Variants in JAK2 observed in about 807,000 individuals in gnomAD.
JAK2 encodes tyrosine-protein kinase JAK2.
JAK2 carries 86 observed loss-of-function variants against 139.3 expected under a neutral mutation model. The observed-to-expected ratio is 0.62, with a 90% confidence interval of 0.52 to 0.74. JAK2 has a LOEUF of 0.74. JAK2 is among the 30% of genes least tolerant of loss of function. The pLI is 0.00. For synonymous variants in JAK2, 490 were observed against 437.7 expected, an observed-to-expected ratio of 1.12 and a Z score of -1.49; for missense variants, 1,421 against 1,360.3, an observed-to-expected ratio of 1.04 and a Z score of -0.70.
intron 13 of JAK2, among the ~76,000 whole-genome samples, chr9:5,073,422 T>C (rs1260900912): frequency 6.6e-6 from 1 of 152,192 alleles, no homozygotes; most frequent in Non-Finnish European, 1.5e-5. Flanking sequence ...TCAGGTGTTA[T>C]GGGTCAAGCC....
At chr9:5,087,087 C>T (rs2031904) in intron 19 of JAK2, among the ~76,000 whole-genome samples, 24,671 of 152,120 alleles carry the variant, frequency 0.16, 2,291 homozygotes, top group Middle Eastern at 0.23. Flanking sequence ...TGGTTTCCAA[C>T]ATTGGTTAGG....
At chr9:5,032,957 G>T (rs1461626343) in intron 4 of JAK2, among the ~76,000 whole-genome samples, 2 of 152,170 alleles carry the variant, frequency 1.3e-5, no homozygotes. Context: ...CAAGCTAAAG[G>T]AGGAAGTTTG....
chr9:5,053,858 A>T (rs1366046252), intron 6 of JAK2, among the ~76,000 whole-genome samples: 4 of 152,038 alleles, frequency 2.6e-5, no homozygotes, highest in Non-Finnish European at 5.9e-5. Flanking sequence ...TCGAATGAGT[A>T]ACTAGATAGG....
chr9:5,073,796 C>A lies in JAK2; in HGVS notation c.1864+11C>A, dbSNP rs1324872560. 4.5e-6 allele frequency: 7 copies of A among 1,546,140 alleles called. No individual in the cohort carries two copies. In the South Asian group the frequency reaches 8.0e-5, roughly 18 times the overall value. ...TCTGTGGAGACGAGAGTAAGTAAAA[C>A]TACAGGCTTTCTAATGCCTTTCTCA... On this transcript the variant is annotated intron_variant, in intron 14 of 24. Transcript: ENST00000381652.
chr9:5,063,376 C>G (rs1013569472), intron 8 of JAK2, among the ~76,000 whole-genome samples: 1 of 152,166 alleles, frequency 6.6e-6, no homozygotes, highest in African/African-American at 2.4e-5. Flanking sequence ...GGAGAAGTAC[C>G]TCTTCGATCA....
At chr9:4,986,109 A>AAG (rs1224155099) in intron 2 of JAK2, 87 bp downstream of exon 2, 1 of 152,472 alleles carries the variant, frequency 6.6e-6, no homozygotes, top group East Asian at 1.9e-4. Context: ...GAAGCGTGTG[A>AAG]AGAGAGGCAG....
At chr9:5,108,500 T>G (rs1441298007) in intron 22 of JAK2, 2 of 152,088 alleles carry the variant, frequency 1.3e-5, no homozygotes, top group African/African-American at 4.8e-5. Flanking sequence ...TATCCAATAA[T>G]CTTATATGAC....
intron 22 of JAK2, among the ~76,000 whole-genome samples, chr9:5,113,191 C>CTTTTTTTT (rs531374595): frequency 1.7e-5 from 1 of 57,160 alleles, no homozygotes; most frequent in Non-Finnish European, 2.9e-5. Context: ...CTGGCAGGAG[C>CTTTTTTTT]TTTTTTTTTT....
intron 23 of JAK2, among the ~76,000 whole-genome samples, 170 bp downstream of exon 23, chr9:5,123,291 T>C (rs1252881276): frequency 6.6e-6 from 1 of 151,992 alleles, no homozygotes; most frequent in Non-Finnish European, 1.5e-5. Context: ...TTAAATAATT[T>C]CTCAGCATCT....
intron 5 of JAK2, among the ~76,000 whole-genome samples, chr9:5,048,627 C>G (rs1448746003): frequency 6.6e-6 from 1 of 151,980 alleles, no homozygotes; most frequent in East Asian, 1.9e-4. Context: ...ACGTTTAGGC[C>G]TTTGTTTTGG....
chr9:5,085,159 T>C, intron 19 of JAK2: 1 of 650,164 alleles, frequency 1.5e-6, no homozygotes, highest in Non-Finnish European at 3.0e-6. Context: ...TGGAGCTCTG[T>C]CTACATCTCC....
At chr9:5,036,405 G>T (rs1055531934) in intron 4 of JAK2, among the ~76,000 whole-genome samples, 1 of 152,116 alleles carries the variant, frequency 6.6e-6, no homozygotes, top group Admixed American at 6.5e-5. Flanking sequence ...CCAAAAAAGA[G>T]CCCACATTGC....
Position 5,069,970 on chromosome 9 carries a change from T to C in JAK2, c.1559T>C (p.Val520Ala), listed in dbSNP as rs1818842198. 1 of 1,608,318 alleles carries C rather than the reference T, an allele frequency of 6.2e-7. No individual in the cohort carries two copies. Among genetic ancestry groups the C allele is most frequent in the Non-Finnish European group, 8.5e-7 (1 of 1,175,652 alleles). ...TTCAGAACGAATGGTGTTTCTGATGTACCAACCTCACCAACATTACAGAGG... is the reference window on the plus strand; with the variant it reads ...TTCAGAACGAATGGTGTTTCTGATGCACCAACCTCACCAACATTACAGAGG... ...LVFRTNGVSD[V>A]PTSPTLQRPT... The change falls in exon 12 of 25, where the codon GTA becomes GCA. Residue 520 changes from valine (V) to alanine (A), a missense_variant. Transcript: ENST00000381652.
At chr9:5,091,144 G>A (rs774574663) in intron 22 of JAK2, 9 of 334,452 alleles carry the variant, frequency 2.7e-5, no homozygotes, top group Non-Finnish European at 3.2e-5. Flanking sequence ...AGGGATTGTA[G>A]GTTTTTCTTC....
chr9:5,098,523 G>C (rs1328186744), intron 22 of JAK2: 1 of 152,086 alleles, frequency 6.6e-6, no homozygotes, highest in Non-Finnish European at 1.5e-5. Flanking sequence ...CCAAGAAATT[G>C]AGACTGTTTG....
intron 4 of JAK2, among the ~76,000 whole-genome samples, chr9:5,032,421 G>C (rs1203813687): frequency 2.6e-5 from 4 of 152,258 alleles, no homozygotes; most frequent in Non-Finnish European, 5.9e-5. Flanking sequence ...AATGCAGCTG[G>C]AGATCTGAGA....
intron 4 of JAK2, chr9:5,041,088 C>A: frequency 1.4e-6 from 1 of 707,106 alleles, no homozygotes; most frequent in Non-Finnish European, 2.5e-6. Flanking sequence ...CCTACTACAG[C>A]CTGGAGGACC....
chr9:5,089,562 A>T, intron 19 of JAK2, 112 bp from the exon 20 acceptor site: 2 of 351,682 alleles, frequency 5.7e-6, no homozygotes. Flanking sequence ...AAAAAAAAAA[A>T]AAAGACAGTC....
intron 4 of JAK2, among the ~76,000 whole-genome samples, chr9:5,035,475 A>C (rs1290663129): frequency 6.6e-6 from 1 of 152,230 alleles, no homozygotes; most frequent in East Asian, 1.9e-4. Context: ...ATTGATGCAA[A>C]AATCCTCAAC....
Sources: gnomAD v4.1 joint callset for allele counts (sites outside exome capture counted in the v4.1 genomes callset) on GRCh38, gnomAD v4.1.1 for gene constraint, MANE v1.5 for transcripts, NCBI Gene and HGNC (gene_info 2026-07-23, HGNC 2026-07-21) for gene names.